Variants in USP45 observed in about 807,000 individuals in gnomAD.
The protein encoded by USP45 is ubiquitin specific peptidase 45.
In USP45, 89 loss-of-function variants were observed where a neutral mutation model predicts 95.8. The observed-to-expected ratio is 0.93, with a 90% CI of 0.78 to 1.11. The LOEUF (loss-of-function observed/expected upper bound fraction) is 1.11, where lower values mean the gene tolerates loss of function less well. Among genes scored for constraint, USP45 ranks in the 50% least tolerant of loss-of-function variants. The pLI is 0.00. For synonymous variants in USP45, 281 were observed against 316.2 expected, an observed-to-expected ratio of 0.89 and a Z score of 1.18; for missense variants, 898 against 942.5, an observed-to-expected ratio of 0.95 and a Z score of 0.62.
At chr6:99,504,127 T>C (rs573847354) in intron 4 of USP45, among the ~76,000 whole-genome samples, 1 of 152,226 alleles carries the variant, frequency 6.6e-6, no homozygotes, top group African/African-American at 2.4e-5. Context: ...CATGATATGG[T>C]CCAACTTACA....
Position 99,434,671 on chromosome 6 carries a change from A to G in USP45, c.*1045T>C, listed in dbSNP as rs1221664165. The G allele has an allele frequency of 6.6e-6, 1 of 152,218 alleles. No individual in the cohort carries two copies. Among genetic ancestry groups the G allele is most frequent in the Non-Finnish European group, 1.5e-5 (1 of 68,026 alleles). The allele number at this position is 152,218 out of a possible 1,614,324, so 9.4% of individuals were successfully genotyped here. ...TTATTAATGATGCTTGCTGAAGACA[A>G]AGTGATTTCAAAACCCCAAAACTGT... is the stretch of plus-strand genomic sequence containing the variant. On this transcript the variant is annotated 3_prime_UTR_variant, in exon 18 of 18. Coordinates refer to ENST00000500704, the MANE Select transcript of USP45 (RefSeq NM_001346022.3).
chr6:99,498,717 T>A (rs1048417924), intron 5 of USP45, among the ~76,000 whole-genome samples: 2 of 152,224 alleles, frequency 1.3e-5, no homozygotes, highest in Non-Finnish European at 2.9e-5. Context: ...TTGCTTTTTT[T>A]ACTTTCATTC....
At chr6:99,445,440 G>A (rs1017869466) in intron 14 of USP45, among the ~76,000 whole-genome samples, 4 of 149,986 alleles carry the variant, frequency 2.7e-5, no homozygotes, top group East Asian at 2.0e-4. Flanking sequence ...CCGAGATCGC[G>A]CCACTGTACT....
chr6:99,512,580 T>C (rs1201008391), intron 1 of USP45, among the ~76,000 whole-genome samples: 1 of 152,218 alleles, frequency 6.6e-6, no homozygotes, highest in Non-Finnish European at 1.5e-5. Flanking sequence ...GCAATTTTCA[T>C]GGTTGCTGAC....
chr6:99,451,681 TTTAAA>T (rs1336653640), intron 13 of USP45, among the ~76,000 whole-genome samples: 1 of 152,196 alleles, frequency 6.6e-6, no homozygotes, highest in Non-Finnish European at 1.5e-5. Context: ...AAAAAACTAC[TTTAAA>T]GTTCATATGG....
At chr6:99,479,865 T>C (rs1791928569) in intron 8 of USP45, among the ~76,000 whole-genome samples, 1 of 152,232 alleles carries the variant, frequency 6.6e-6, no homozygotes, top group Admixed American at 6.5e-5. Flanking sequence ...TCATTTTTTT[T>C]CCAAGAAGAG....
Position 99,446,447 on chromosome 6 carries a change from T to G in USP45, c.1325A>C (p.Asp442Ala), listed in dbSNP as rs1432352187. 6.2e-7 allele frequency: 1 copy of G among 1,612,680 alleles called. No homozygotes were observed. Among genetic ancestry groups the G allele is most frequent in the Non-Finnish European group, 8.5e-7 (1 of 1,179,620 alleles). The change falls in exon 14 of 18, where the codon GAC becomes GCC. Residue 442 changes from aspartate to alanine, a missense_variant. Coordinates refer to ENST00000500704, the MANE Select transcript of USP45 (RefSeq NM_001346022.3). The part of the protein sequence containing the change: ...SSKDKSQLIH[D>A]RKCIRKLSSG... ...TGACAATTTTCTAATACATTTTCGG[T>G]CATGAATTAGTTGACTCTGTAAGTT...
chr6:99,478,020 C>A (rs1183668807), intron 8 of USP45, among the ~76,000 whole-genome samples: 1 of 152,132 alleles, frequency 6.6e-6, no homozygotes, highest in Non-Finnish European at 1.5e-5. Context: ...GAGAATCCCT[C>A]AGAGATCTTC....
chr6:99,504,587 A>C (rs1233003951), intron 4 of USP45, among the ~76,000 whole-genome samples: 1 of 152,192 alleles, frequency 6.6e-6, no homozygotes, highest in Non-Finnish European at 1.5e-5. Flanking sequence ...TTGCAGGTAG[A>C]AACAGTAACA....
intron 15 of USP45, among the ~76,000 whole-genome samples, chr6:99,440,684 CAAAA>C (rs767016883): frequency 3.9e-5 from 6 of 151,992 alleles, no homozygotes; most frequent in Non-Finnish European, 8.8e-5. Flanking sequence ...TCTTTAAAAA[CAAAA>C]AACCCTTTTT....
intron 1 of USP45, among the ~76,000 whole-genome samples, chr6:99,510,570 A>G (rs1041237340): frequency 6.6e-6 from 1 of 152,146 alleles, no homozygotes; most frequent in Admixed American, 6.5e-5. Flanking sequence ...AGCCCTCATG[A>G]ATGAGACTGG....
intron 16 of USP45, 36 bp from the exon 17 acceptor site, chr6:99,437,435 T>A (rs372565886): frequency 2.3e-4 from 363 of 1,553,826 alleles, no homozygotes; most frequent in Non-Finnish European, 3.0e-4. Flanking sequence ...ATTAGTAATA[T>A]TTGTTAAATA....
At position 99,437,412 on chromosome 6, in the gene USP45, GA is replaced by G. The variant is rs761703420; in HGVS notation, c.2161-14del. On this transcript the variant is annotated splice_polypyrimidine_tract_variant and intron_variant, in intron 16 of 17. Coordinates refer to ENST00000500704, the MANE Select transcript of USP45 (RefSeq NM_001346022.3). The stretch of plus-strand genomic sequence containing the variant: ...CCACACTTGCATTCTTTTAAACAAA[GA>G]AAAAAACCCAAATTAGTAATATTTG... 1.3e-6 allele frequency: 2 copies of G among 1,566,216 alleles called. No homozygotes were observed. Among genetic ancestry groups the G allele is most frequent in the Admixed American group, 2.2e-5 (1 of 46,482 alleles).
chr6:99,441,443 A>G (rs1472645669), intron 15 of USP45, among the ~76,000 whole-genome samples: 2 of 152,014 alleles, frequency 1.3e-5, no homozygotes, highest in East Asian at 3.9e-4. Context: ...GAGGCAGGAG[A>G]ATCACTTGAA....
intron 5 of USP45, among the ~76,000 whole-genome samples, chr6:99,493,487 GGTATGTAT>G (rs376097232): frequency 5.3e-5 from 8 of 152,076 alleles, no homozygotes; most frequent in Admixed American, 1.3e-4. Flanking sequence ...CATTCATGCA[GGTATGTAT>G]GTATGTATGT....
intron 1 of USP45, among the ~76,000 whole-genome samples, chr6:99,510,973 A>C (rs1481653939): frequency 6.6e-6 from 1 of 152,204 alleles, no homozygotes; most frequent in Non-Finnish European, 1.5e-5. Context: ...CTGTAAGCCA[A>C]GCATAGTAAA....
intron 13 of USP45, among the ~76,000 whole-genome samples, chr6:99,451,632 T>A (rs531367668): frequency 2.6e-5 from 4 of 152,254 alleles, no homozygotes; most frequent in Admixed American, 2.6e-4. Flanking sequence ...TTCAATGCCA[T>A]CCCCATCAAG....
intron 7 of USP45, among the ~76,000 whole-genome samples, chr6:99,485,662 TTCA>T (rs1278302804): frequency 1.3e-5 from 2 of 152,266 alleles, no homozygotes; most frequent in East Asian, 1.9e-4. Context: ...GCTGTGAAAA[TTCA>T]TCAAGTTATA....
At chr6:99,503,659 T>C in intron 5 of USP45, 106 bp downstream of exon 5, 1 of 731,868 alleles carries the variant, frequency 1.4e-6, no homozygotes, top group Non-Finnish European at 2.1e-6. Context: ...TTCAAATTAT[T>C]GGCTGGGCTG....
Sources: gnomAD v4.1 joint callset for allele counts (sites outside exome capture counted in the v4.1 genomes callset) on GRCh38, gnomAD v4.1.1 for gene constraint, MANE v1.5 for transcripts, NCBI Gene and HGNC (gene_info 2026-07-23, HGNC 2026-07-21) for gene names.